The following LIFR variants were observed in gnomAD, a reference collection of about 807,000 sequenced individuals.
LIFR encodes leukemia inhibitory factor receptor.
LIFR carries 84 observed loss-of-function variants against 122.2 expected under a neutral mutation model. The observed-to-expected ratio is 0.69, with a 90% CI of 0.58 to 0.82. LIFR has a LOEUF of 0.82. Among genes scored for constraint, LIFR ranks in the 40% least tolerant of loss-of-function variants. LIFR has a pLI of 0.00. For missense variants in LIFR, 1,294 were observed against 1,311.6 expected (o/e 0.99, Z 0.21); for synonymous variants, 422 against 434.7 (o/e 0.97, Z 0.36).
chr5:38,509,522 T>A (rs1580071220), intron 7 of LIFR, among the ~76,000 whole-genome samples: 2 of 152,088 alleles, frequency 1.3e-5, no homozygotes, highest in Admixed American at 6.5e-5. Flanking sequence ...ACTGTATGAG[T>A]AAACGAGAGA....
intron 16 of LIFR, among the ~76,000 whole-genome samples, chr5:38,487,252 T>C (rs1181782945): frequency 6.6e-6 from 1 of 152,198 alleles, no homozygotes; most frequent in Non-Finnish European, 1.5e-5. Flanking sequence ...AAAAGCAACA[T>C]GGGGAAAGTA....
At chr5:38,560,682 C>T (rs1001021452), upstream of LIFR, among the ~76,000 whole-genome samples, 7 of 151,740 alleles carry the variant, frequency 4.6e-5, no homozygotes, top group South Asian at 4.2e-4. Flanking sequence ...CTGCAACCTC[C>T]GCCTCCCAGG....
At chr5:38,516,506 G>A (rs1285515629) in intron 5 of LIFR, among the ~76,000 whole-genome samples, 5 of 152,154 alleles carry the variant, frequency 3.3e-5, no homozygotes, top group Non-Finnish European at 7.3e-5. Context: ...ACCACAATGA[G>A]ATACCATCTC....
rs1349169045 is a variant in LIFR, at chr5:38,479,796, C to T, written c.*1799G>A. 8.7e-6 allele frequency: 2 copies of T among 230,664 alleles called. No individual in the cohort carries two copies. Among genetic ancestry groups the T allele is most frequent in the Non-Finnish European group, 1.7e-5 (2 of 116,548 alleles). 14.3% of individuals were successfully genotyped at this position (230,664 alleles called of 1,614,324 possible). A position where few individuals can be genotyped will look rare whatever the true frequency, so the allele number is the denominator to read the frequency against. The stretch of plus-strand genomic sequence containing the variant: ...GGATACAAAGGAAGACAAGAGAACA[C>T]TCTTTAGGGATGGCTCTGATTGGAT... On this transcript the variant is annotated 3_prime_UTR_variant, in exon 20 of 20. Transcript: ENST00000453190.
intron 1 of LIFR, among the ~76,000 whole-genome samples, chr5:38,537,154 C>G (rs940282306): frequency 2.7e-4 from 41 of 152,202 alleles, no homozygotes; most frequent in Admixed American, 2.3e-3. Flanking sequence ...CACTTCCATG[C>G]TTAAAATCCT....
In LIFR at chr5:38,490,282, C is replaced by T. The variant is rs147691712; in HGVS notation, c.2075G>A (p.Arg692Gln). 6.8e-6 allele frequency: 10 copies of T among 1,475,538 alleles called. No homozygotes were observed. The highest frequency in any genetic ancestry group is 3.5e-5 in the South Asian group (3 of 86,324). The allele number at this position is 1,475,538 out of a possible 1,614,324, so 91.4% of individuals were successfully genotyped here. ...TETVIESDEF[R>Q]PGIRYNFFLY... Reference sequence around the variant, plus strand: ...GAAAAAATTATATCTTATACCTGGTCGAAACTCATCTATAGGATGAACATA... The same window carrying T: ...GAAAAAATTATATCTTATACCTGGTTGAAACTCATCTATAGGATGAACATA... The change falls in exon 15 of 20, where the codon CGA (arginine) becomes CAA (glutamine). Residue 692 changes from arginine (R) to glutamine (Q), a missense_variant. By Grantham distance (43) the Arg-to-Gln change is conservative. Coordinates refer to ENST00000453190, the MANE Select transcript of LIFR (RefSeq NM_001127671.2).
chr5:38,578,575 C>T (rs1341591375), intron 1 of LIFR, among the ~76,000 whole-genome samples: 1 of 150,690 alleles, frequency 6.6e-6, no homozygotes, highest in Non-Finnish European at 1.5e-5. Flanking sequence ...TAGACAGTCT[C>T]ACTCTGTCGC....
chr5:38,606,218 G>C (rs571336491), exon 2 of LIFR: 108 of 152,308 alleles, frequency 7.1e-4, no homozygotes, highest in African/African-American at 2.4e-3. Context: ...AGCTCTGCAG[G>C]CTGTACAGAA....
chr5:38,564,985 A>G lies in LIFR; in HGVS notation c.-20+30276T>C, dbSNP rs12515391. 4.9e-3 allele frequency among the ~76,000 whole-genome samples: 743 copies of G among 151,674 alleles called. 15 individuals carry two copies. Among genetic ancestry groups the G allele is most frequent in the Admixed American group, 0.042 (638 of 15,246 alleles). On this transcript the variant is annotated intron_variant, in intron 1 of 19. Coordinates refer to the LIFR transcript ENST00000263409. Reference sequence around the variant, plus strand: ...AGACAGGGTTTCGCCACATTGGCCAACTGATCTCAAACTCCTGGCCTCAAG... The same window carrying G: ...AGACAGGGTTTCGCCACATTGGCCAGCTGATCTCAAACTCCTGGCCTCAAG...
chr5:38,528,429 A>G (rs1477934941), intron 3 of LIFR, among the ~76,000 whole-genome samples: 1 of 152,142 alleles, frequency 6.6e-6, no homozygotes, highest in Non-Finnish European at 1.5e-5. Context: ...GCCTCTCTGA[A>G]GCAAGGTATG....
intron 9 of LIFR, among the ~76,000 whole-genome samples, chr5:38,504,415 C>CAAAAAAG (rs1554020945): frequency 1.1e-4 from 13 of 120,484 alleles, no homozygotes; most frequent in Non-Finnish European, 2.0e-4. Flanking sequence ...AGGGAATGAC[C>CAAAAAAG]AAAAAAAAAA....
chr5:38,505,801 T>C (rs1580060923), intron 9 of LIFR, 104 bp downstream of exon 9: 4 of 523,562 alleles, frequency 7.6e-6, no homozygotes, highest in Non-Finnish European at 9.7e-6. Flanking sequence ...TAAGTAACTA[T>C]AAAGAAAATA....
At chr5:38,568,360 G>A (rs1454037279) in intron 1 of LIFR, among the ~76,000 whole-genome samples, 1 of 152,172 alleles carries the variant, frequency 6.6e-6, no homozygotes, top group African/African-American at 2.4e-5. Flanking sequence ...GCCTATGGGA[G>A]TTTCTGGGGG....
chr5:38,590,373 A>T (rs945217855), intron 1 of LIFR, among the ~76,000 whole-genome samples: 2 of 152,156 alleles, frequency 1.3e-5, no homozygotes, highest in Non-Finnish European at 2.9e-5. Flanking sequence ...AATACTTGGT[A>T]ACTTTTCCTT....
chr5:38,502,802 A>G lies in LIFR; in HGVS notation c.1438-3T>C. On this transcript the variant is annotated splice_polypyrimidine_tract_variant and splice_region_variant and intron_variant, in intron 10 of 19. Coordinates refer to ENST00000453190, the MANE Select transcript of LIFR (RefSeq NM_001127671.2). ...ACTCCTTTGATTGTGACATTCCGCT[A>G]TTGGAAAACAAATAAATATATATAT... The G allele has an allele frequency of 2.6e-6, 4 of 1,530,868 alleles. No individual in the cohort carries two copies. The highest frequency in any genetic ancestry group is 1.4e-5 in the African/African-American group (1 of 72,960). The allele number at this position is 1,530,868 out of a possible 1,614,324, so 94.8% of individuals were successfully genotyped here. A position where few individuals can be genotyped will look rare whatever the true frequency, so the allele number is the denominator to read the frequency against.
rs776871856 is a variant in LIFR at position 38,527,139 on chromosome 5, G to A, written c.397+16C>T. On this transcript the variant is annotated intron_variant, in intron 4 of 19. Transcript: ENST00000453190. ...CTTGACTTACTTTAAAATTGAGTTT[G>A]TTTTCAAATACTTACAAACGTTTTG... 6.3e-7 allele frequency: 1 copy of A among 1,578,136 alleles called. No homozygotes were observed. Among genetic ancestry groups the A allele is most frequent in the Non-Finnish European group, 8.7e-7 (1 of 1,154,222 alleles).
Position 38,506,497 on chromosome 5 carries a change from CATT to C in LIFR, c.1121+3_1121+5del, listed in dbSNP as rs1423114281. 1.9e-6 allele frequency: 3 copies of C among 1,613,954 alleles called. No homozygotes were observed. The African/African-American group carries it at 4.0e-5, about 22-fold the overall frequency. ...CCATCTGACATCTTTTCCCAGTTAT[CATT>C]ACCTTTCAACTAAAGTGTAGCTTGT... On this transcript the variant is annotated splice_donor_5th_base_variant and intron_variant, in intron 8 of 19. Transcript: ENST00000453190.
upstream of LIFR, chr5:38,556,718 G>A (rs1263432406): frequency 2.5e-5 from 3 of 120,830 alleles, no homozygotes; most frequent in African/African-American, 8.7e-5. Context: ...CCCCTGACCC[G>A]CCCCTGCCCC....
At chr5:38,596,051 T>C (rs1490821645), upstream of LIFR, among the ~76,000 whole-genome samples, 1 of 152,164 alleles carries the variant, frequency 6.6e-6, no homozygotes, top group East Asian at 1.9e-4. Flanking sequence ...TAGGTAATCT[T>C]AGCAGCCTGC....
Sources: gnomAD v4.1 joint callset for allele counts (sites outside exome capture counted in the v4.1 genomes callset) on GRCh38, gnomAD v4.1.1 for gene constraint, MANE v1.5 for transcripts, NCBI Gene and HGNC (gene_info 2026-07-23, HGNC 2026-07-21) for gene names.